The following MTPAP variants were observed in gnomAD, a reference collection of about 807,000 sequenced individuals.
The protein encoded by MTPAP is mitochondrial poly(A) polymerase.
MTPAP carries 23 observed loss-of-function variants against 48.7 expected under a neutral mutation model. That is an observed-to-expected ratio of 0.47 (90% CI 0.34 to 0.67). MTPAP has a LOEUF of 0.67. Ranked by LOEUF, MTPAP falls within the 30% of genes least tolerant of loss-of-function variation. The probability of loss-of-function intolerance (pLI) is 0.01; values close to 1 mark genes in which losing one functional copy is unlikely to be tolerated. For missense variants in MTPAP, 614 were observed against 694.3 expected (o/e 0.88, Z 1.30); for synonymous variants, 257 against 254.1 (o/e 1.01, Z -0.11).
intron 4 of MTPAP, among the ~76,000 whole-genome samples, chr10:30,329,756 C>CT (rs1337595947): frequency 1.3e-5 from 2 of 151,762 alleles, no homozygotes; most frequent in African/African-American, 4.8e-5. Flanking sequence ...GGATTTGGCA[C>CT]TTTCACTGAA....
At chr10:30,348,563 A>G (rs1297770324) in intron 1 of MTPAP, among the ~76,000 whole-genome samples, 1 of 152,208 alleles carries the variant, frequency 6.6e-6, no homozygotes, top group Non-Finnish European at 1.5e-5. Flanking sequence ...CGAACGCGGG[A>G]CAACAGCCTG....
intron 6 of MTPAP, among the ~76,000 whole-genome samples, chr10:30,316,750 C>T (rs1187141235): frequency 2.0e-5 from 3 of 151,876 alleles, no homozygotes; most frequent in East Asian, 2.0e-4. Context: ...ATTAGCCAGG[C>T]ATGGTGGCTT....
chr10:30,339,284 C>T (rs1053157760), intron 3 of MTPAP, among the ~76,000 whole-genome samples: 6 of 152,034 alleles, frequency 3.9e-5, no homozygotes, highest in East Asian at 1.9e-4. Flanking sequence ...GTCAGGAGTT[C>T]GAGACCAGCC....
chr10:30,328,950 T>G (rs550605804), intron 4 of MTPAP, among the ~76,000 whole-genome samples: 3 of 152,216 alleles, frequency 2.0e-5, no homozygotes, highest in South Asian at 2.1e-4. Context: ...TGTTGTTGTT[T>G]TTGAAACAGG....
chr10:30,316,153 C>T lies in MTPAP; in HGVS notation c.1277G>A (p.Ser426Asn). 1 of 1,614,018 alleles carries T rather than the reference C, an allele frequency of 6.2e-7. No homozygotes were observed. Among genetic ancestry groups the T allele is most frequent in the East Asian group, 2.2e-5 (1 of 44,878 alleles). ...TGTGTTCTGTGAAGGTTTAATTCTACTCAAGTCACGAACAAATGTGCAGTT... is the reference window on the plus strand; with the variant it reads ...TGTGTTCTGTGAAGGTTTAATTCTATTCAAGTCACGAACAAATGTGCAGTT... ...GNNCTFVRDL[S>N]RIKPSQNTET... Residue 426 changes from serine (S) to asparagine (N), a missense_variant, in exon 7 of 9, where the codon AGT becomes AAT. Ser to Asn is a conservative substitution (Grantham distance 46). This residue lies in a region of MTPAP where 261 missense variants were observed against 355.4 expected (regional missense o/e 0.73). Transcript: ENST00000263063.
At chr10:30,315,529 A>G (rs2132843541) in intron 8 of MTPAP, among the ~76,000 whole-genome samples, 1 of 152,062 alleles carries the variant, frequency 6.6e-6, no homozygotes, top group South Asian at 2.1e-4. Flanking sequence ...ACAAAACAAA[A>G]CAAAACAAAA....
At chr10:30,335,830 T>A (rs1174222598) in intron 4 of MTPAP, among the ~76,000 whole-genome samples, 1 of 151,440 alleles carries the variant, frequency 6.6e-6, no homozygotes, top group Non-Finnish European at 1.5e-5. Context: ...ACCAAGGAGG[T>A]AAAACCCCGT....
chr10:30,318,920 C>T (rs972584190), intron 6 of MTPAP, among the ~76,000 whole-genome samples: 1 of 152,018 alleles, frequency 6.6e-6, no homozygotes, highest in Non-Finnish European at 1.5e-5. Flanking sequence ...AGGTGTGTAC[C>T]AAGAGCTTGG....
intron 4 of MTPAP, among the ~76,000 whole-genome samples, chr10:30,328,998 C>G (rs536982388): frequency 8.5e-5 from 13 of 152,062 alleles, no homozygotes; most frequent in Non-Finnish European, 1.3e-4. Flanking sequence ...AATCCCAACA[C>G]TTTGGGAGGC....
chr10:30,330,985 C>A (rs1006789475), intron 4 of MTPAP, among the ~76,000 whole-genome samples: 2 of 152,180 alleles, frequency 1.3e-5, no homozygotes, highest in East Asian at 3.8e-4. Flanking sequence ...CCACTGAGAT[C>A]TTTGAGATAT....
At chr10:30,338,767 A>T (rs1048736688) in intron 3 of MTPAP, among the ~76,000 whole-genome samples, 3 of 152,228 alleles carry the variant, frequency 2.0e-5, no homozygotes, top group Admixed American at 6.5e-5. Context: ...TAATATTTTG[A>T]TAAATAAAGC....
chr10:30,328,899 A>G (rs1472962880), intron 4 of MTPAP, among the ~76,000 whole-genome samples: 1 of 152,130 alleles, frequency 6.6e-6, no homozygotes, highest in Non-Finnish European at 1.5e-5. Flanking sequence ...TAAATGAAGG[A>G]AAAACATGTA....
At chr10:30,329,264 T>C (rs1420480139) in intron 4 of MTPAP, among the ~76,000 whole-genome samples, 1 of 151,676 alleles carries the variant, frequency 6.6e-6, no homozygotes, top group Admixed American at 6.6e-5. Context: ...GGTATCACTC[T>C]GCCACCCAGG....
intron 6 of MTPAP, among the ~76,000 whole-genome samples, chr10:30,320,403 T>C (rs973967868): frequency 6.6e-6 from 1 of 152,136 alleles, no homozygotes; most frequent in Non-Finnish European, 1.5e-5. Flanking sequence ...TGCATGCCTA[T>C]AGTCCCAGCT....
intron 4 of MTPAP, among the ~76,000 whole-genome samples, 166 bp downstream of exon 4, chr10:30,336,637 A>T (rs1268432029): frequency 6.6e-6 from 1 of 152,244 alleles, no homozygotes; most frequent in Non-Finnish European, 1.5e-5. Flanking sequence ...AGAACAATAC[A>T]AAGAAAGACT....
chr10:30,314,380 G>A (rs1306825101), intron 8 of MTPAP, among the ~76,000 whole-genome samples: 1 of 152,110 alleles, frequency 6.6e-6, no homozygotes, highest in Non-Finnish European at 1.5e-5. Context: ...GTTTATTTCT[G>A]AGACTTGCTA....
In MTPAP at chr10:30,341,507, T is replaced by C. The variant is rs568082974; in HGVS notation, c.291A>G (p.Gln97=). 9.3e-6 allele frequency: 15 copies of C among 1,613,832 alleles called. No homozygotes were observed. The African/African-American group carries it at 1.1e-4, about 11-fold the overall frequency. The change falls in exon 2 of 9, where the codon CAA becomes CAG. Residue 97 remains glutamine (Q), a synonymous_variant. Coordinates refer to ENST00000263063, the MANE Select transcript of MTPAP (RefSeq NM_018109.4). ...SENKFLKYLS[Q]FGPINNHFFY... is the part of the protein sequence containing the mutation. The stretch of plus-strand genomic sequence containing the variant: ...AGAAATGATTATTAATAGGTCCAAA[T>C]TGGGATAAATATTTAAGAAACTTGT...
chr10:30,311,818 C>T lies in MTPAP; in HGVS notation c.*1791G>A, dbSNP rs1049853472. On this transcript the variant is annotated 3_prime_UTR_variant, in exon 9 of 9. Transcript: ENST00000263063. ...TACCTGGGACTACAGGCATGTGCCG[C>T]TATGCCCAGGCCTTACTTGCTTCTT... 2 of 152,478 alleles carry T rather than the reference C, an allele frequency of 1.3e-5. No homozygotes were observed. Among genetic ancestry groups the T allele is most frequent in the African/African-American group, 4.8e-5 (2 of 41,468 alleles). The allele number at this position is 152,478 out of a possible 1,614,324, so 9.4% of individuals were successfully genotyped here.
At position 30,326,502 on chromosome 10, in the gene MTPAP, A is replaced by G. The variant is rs1447477388; in HGVS notation, c.914T>C (p.Ile305Thr). 1 of 1,614,000 alleles carries G rather than the reference A, an allele frequency of 6.2e-7. No individual in the cohort carries two copies. The highest frequency in any genetic ancestry group is 1.7e-5 in the Admixed American group (1 of 59,982). Residue 305 changes from isoleucine to threonine, a missense_variant, in exon 5 of 9, where the codon ATA becomes ACA. Ile to Thr is a moderately conservative substitution (Grantham distance 89, BLOSUM62 -1). This residue lies in a region of MTPAP where 261 missense variants were observed against 355.4 expected (regional missense o/e 0.73). Transcript: ENST00000263063. ...CACGAGCGGACACCGGGCATTTAAT[A>G]TTTTTTGCACACCCACACAGCCAGG... Reference protein sequence around the residue: ...FGPGCVGVQKILNARCPLVRF... With the variant: ...FGPGCVGVQKTLNARCPLVRF...
Sources: gnomAD v4.1 joint callset for allele counts (sites outside exome capture counted in the v4.1 genomes callset) on GRCh38, gnomAD v4.1.1 for gene constraint, gnomAD v4.1.1 regional missense constraint, MANE v1.5 for transcripts, NCBI Gene and HGNC (gene_info 2026-07-23, HGNC 2026-07-21) for gene names.